FNDC3B: variants seen among roughly 807,000 people sequenced by gnomAD.
FNDC3B encodes the protein fibronectin type III domain-containing protein 3B.
A neutral mutation model predicts 151.5 loss-of-function variants in FNDC3B; 12 were observed. The observed-to-expected ratio is 0.08, with a 90% confidence interval of 0.05 to 0.13. The LOEUF (loss-of-function observed/expected upper bound fraction) is 0.13. Among genes scored for constraint, FNDC3B ranks in the 10% least tolerant of loss-of-function variants. FNDC3B has a pLI of 1.00. For synonymous variants in FNDC3B, 528 were observed against 549.0 expected, an observed-to-expected ratio of 0.96 and a Z score of 0.54; for missense variants, 1,214 against 1,505.3, an observed-to-expected ratio of 0.81 and a Z score of 3.20.
At chr3:172,329,110 C>T (rs766215339) in intron 12 of FNDC3B, 34 bp downstream of exon 12, 1 of 1,580,952 alleles carries the variant, frequency 6.3e-7, no homozygotes, top group Non-Finnish European at 8.6e-7. Context: ...GCCCTTCAGC[C>T]TTTGGATGGT....
intron 3 of FNDC3B, among the ~76,000 whole-genome samples, chr3:172,161,270 A>G (rs1722750582): frequency 2.0e-5 from 3 of 152,292 alleles, no homozygotes; most frequent in African/African-American, 7.2e-5. Context: ...TGTGGTTTGG[A>G]AAAAAATCTC....
chr3:172,084,390 G>T (rs897940437), intron 1 of FNDC3B, among the ~76,000 whole-genome samples: 2 of 151,230 alleles, frequency 1.3e-5, no homozygotes, highest in East Asian at 1.9e-4. Flanking sequence ...GGTCAAGGCT[G>T]TGGTGAGCTG....
intron 4 of FNDC3B, among the ~76,000 whole-genome samples, chr3:172,236,334 G>T (rs1238868638): frequency 6.6e-6 from 1 of 152,138 alleles, no homozygotes; most frequent in African/African-American, 2.4e-5. Context: ...TATGAATCTT[G>T]TCACCCGTTT....
rs10684671 is a variant in FNDC3B, at chr3:172,177,626, C to CTTTTTTTTTTTTTTTTTTTTTTTTTTTT, written c.187+44101_187+44102insTTTTTTTTTTTTTTTTTTTTTTTTTTTT. ...AGGAAGGAATCATTTTTACCACCAT[C>CTTTTTTTTTTTTTTTTTTTTTTTTTTTT]TTTTTTTTTTTTTTTTTTTTTGCAC... On this transcript the variant is annotated intron_variant, in intron 3 of 25. Transcript: ENST00000415807. Among the ~76,000 whole-genome samples, 11 of 84,840 alleles carry CTTTTTTTTTTTTTTTTTTTTTTTTTTTT rather than the reference C, an allele frequency of 1.3e-4. 1 individual carries two copies. Among genetic ancestry groups the CTTTTTTTTTTTTTTTTTTTTTTTTTTTT allele is most frequent in the African/African-American group, 5.4e-4 (11 of 20,528 alleles). The allele number at this position is 84,840 out of a possible 152,430, so 55.7% of individuals were successfully genotyped here.
chr3:172,379,621 C>T (rs958053379), intron 24 of FNDC3B, among the ~76,000 whole-genome samples: 1 of 149,786 alleles, frequency 6.7e-6, no homozygotes, highest in Non-Finnish European at 1.5e-5. Context: ...ACGGCCTTGT[C>T]AGGTCACTTT....
chr3:172,292,139 A>T (rs1218553100), intron 7 of FNDC3B, among the ~76,000 whole-genome samples: 1 of 152,238 alleles, frequency 6.6e-6, no homozygotes, highest in African/African-American at 2.4e-5. Context: ...AAACAAGGGA[A>T]ACCTCGGGCC....
intron 22 of FNDC3B, 66 bp downstream of exon 22, chr3:172,353,149 G>A (rs1049724675): frequency 1.8e-5 from 26 of 1,478,172 alleles, no homozygotes; most frequent in South Asian, 7.5e-5. Flanking sequence ...TAAACCTCTC[G>A]GGGAAAATGA....
In FNDC3B at chr3:172,397,704, T is replaced by C. The variant is rs1057240882; in HGVS notation, c.*229T>C. 5.5e-5 allele frequency: 17 copies of C among 308,594 alleles called. No homozygotes were observed. The highest frequency in any genetic ancestry group is 3.2e-4 in the African/African-American group (15 of 46,280). 19.1% of individuals were successfully genotyped at this position (308,594 alleles called of 1,614,324 possible). A position where few individuals can be genotyped will look rare whatever the true frequency, so the allele number is the denominator to read the frequency against. On this transcript the variant is annotated 3_prime_UTR_variant, in exon 26 of 26. Coordinates refer to ENST00000415807, the MANE Select transcript of FNDC3B (RefSeq NM_022763.4). ...AAAAAAGAAAAAAAAAGAAGAAAAGTATACCAGATACCAAAAGCTAGCTTT... is the reference window on the plus strand; with the variant it reads ...AAAAAAGAAAAAAAAAGAAGAAAAGCATACCAGATACCAAAAGCTAGCTTT...
Position 172,084,472 on chromosome 3 carries a change from T to TAC in FNDC3B, c.-28-27968_-28-27967dup, listed in dbSNP as rs138156277. Among the ~76,000 whole-genome samples, 1,276 of 143,626 alleles carry TAC rather than the reference T, an allele frequency of 8.9e-3. 26 individuals carry two copies. The highest frequency in any genetic ancestry group is 0.032 in the African/African-American group (1,219 of 38,328). 94.2% of individuals were successfully genotyped at this position (143,626 alleles called of 152,430 possible). A position where few individuals can be genotyped will look rare whatever the true frequency, so the allele number is the denominator to read the frequency against. On this transcript the variant is annotated intron_variant, in intron 1 of 25. Transcript: ENST00000415807. ...CTCAAAAAAAAAATATGTATATGTA[T>TAC]ACACACACACACATACACACACACA...
At chr3:172,141,590 CT>C (rs1402967102) in intron 3 of FNDC3B, among the ~76,000 whole-genome samples, 1 of 152,220 alleles carries the variant, frequency 6.6e-6, no homozygotes, top group African/African-American at 2.4e-5. Flanking sequence ...AATCCCGACA[CT>C]TTGGGAGGCC....
chr3:172,082,571 T>C (rs543980933), intron 1 of FNDC3B, among the ~76,000 whole-genome samples: 1 of 152,334 alleles, frequency 6.6e-6, no homozygotes, highest in South Asian at 2.1e-4. Context: ...GACCACACTT[T>C]GTAACCTACT....
At chr3:172,148,299 C>T (rs1459433261) in intron 3 of FNDC3B, among the ~76,000 whole-genome samples, 1 of 152,000 alleles carries the variant, frequency 6.6e-6, no homozygotes, top group African/African-American at 2.4e-5. Context: ...AAGGGATGTA[C>T]TTATTCAAGC....
rs1354965655 is a variant in FNDC3B, at chr3:172,278,262, G to A, written c.791-7664G>A. On this transcript the variant is annotated intron_variant, in intron 6 of 25. Coordinates refer to ENST00000415807, the MANE Select transcript of FNDC3B (RefSeq NM_022763.4). ...TAAGCTGCTTGAAAAAATGTAATATGGTATGCCAAGTCCTAATGAAAAAAC... is the reference window on the plus strand; with the variant it reads ...TAAGCTGCTTGAAAAAATGTAATATAGTATGCCAAGTCCTAATGAAAAAAC... 3.3e-5 allele frequency among the ~76,000 whole-genome samples: 5 copies of A among 152,096 alleles called. No homozygotes were observed. In the East Asian group the frequency reaches 9.6e-4, roughly 29 times the overall value.
intron 24 of FNDC3B, among the ~76,000 whole-genome samples, chr3:172,379,493 G>A (rs540888276): frequency 3.3e-5 from 5 of 152,346 alleles, no homozygotes; most frequent in Admixed American, 2.6e-4. Context: ...GAACCTCATA[G>A]CTCCTTTCAG....
chr3:172,278,159 T>C (rs1223822090), intron 6 of FNDC3B, among the ~76,000 whole-genome samples: 1 of 152,246 alleles, frequency 6.6e-6, no homozygotes, highest in Non-Finnish European at 1.5e-5. Flanking sequence ...ATTAAAATTA[T>C]CTTTCAGATG....
intron 10 of FNDC3B, among the ~76,000 whole-genome samples, chr3:172,308,814 TAC>T (rs1442409550): frequency 6.6e-6 from 1 of 152,254 alleles, no homozygotes; most frequent in Non-Finnish European, 1.5e-5. Flanking sequence ...CCTTAGAGTA[TAC>T]ACATCCATTT....
intron 2 of FNDC3B, among the ~76,000 whole-genome samples, chr3:172,127,366 T>G (rs1720853693): frequency 6.6e-6 from 1 of 152,144 alleles, no homozygotes; most frequent in South Asian, 2.1e-4. Context: ...AGGGGAGAAG[T>G]GGTGGTGTGG....
intron 3 of FNDC3B, among the ~76,000 whole-genome samples, chr3:172,182,324 A>G (rs995822348): frequency 2.6e-5 from 4 of 152,184 alleles, no homozygotes; most frequent in African/African-American, 9.7e-5. Context: ...GTCTTCTCAC[A>G]TTAGCAGCTG....
At chr3:172,198,597 G>A (rs931237326) in intron 3 of FNDC3B, among the ~76,000 whole-genome samples, 18 of 152,054 alleles carry the variant, frequency 1.2e-4, no homozygotes, top group African/African-American at 4.1e-4. Context: ...TCACACCCTA[G>A]GCTCTGATAC....
Sources: gnomAD v4.1 joint callset for allele counts (sites outside exome capture counted in the v4.1 genomes callset) on GRCh38, gnomAD v4.1.1 for gene constraint, MANE v1.5 for transcripts, NCBI Gene and HGNC (gene_info 2026-07-23, HGNC 2026-07-21) for gene names.